PRKN: variants seen among roughly 807,000 people sequenced by gnomAD.
PRKN encodes the protein parkin RBR E3 ubiquitin protein ligase, also known as E3 ubiquitin-protein ligase parkin.
Under a neutral mutation model 59.5 loss-of-function variants are expected in PRKN, and 56 were observed. The observed-to-expected ratio is 0.94, with a 90% CI of 0.76 to 1.18. PRKN has a LOEUF of 1.18. Among genes scored for constraint, PRKN ranks in the 50% most tolerant of loss-of-function variants. PRKN has a pLI of 0.00. For missense variants in PRKN, 657 were observed against 596.4 expected, an observed-to-expected ratio of 1.10 and a Z score of -1.06; for synonymous variants, 250 against 222.1, an observed-to-expected ratio of 1.13 and a Z score of -1.12.
At chr6:161,757,941 A>ATG (rs1789022303) in intron 7 of PRKN, among the ~76,000 whole-genome samples, 1 of 136,434 alleles carries the variant, frequency 7.3e-6, no homozygotes, top group Admixed American at 7.5e-5. Flanking sequence ...CTGTATATAT[A>ATG]TGTATATATA....
chr6:161,648,809 G>A (rs1049227621), intron 7 of PRKN, among the ~76,000 whole-genome samples: 1 of 152,198 alleles, frequency 6.6e-6, no homozygotes, highest in Admixed American at 6.5e-5. Flanking sequence ...GAATGTCACA[G>A]TGTCCTAGAG....
chr6:162,123,916 C>G (rs568714391), intron 4 of PRKN, among the ~76,000 whole-genome samples: 1 of 151,964 alleles, frequency 6.6e-6, no homozygotes, highest in African/African-American at 2.4e-5. Context: ...TAGACTATAC[C>G]GAGAGGAGGC....
chr6:161,507,348 G>A (rs1046899104), intron 9 of PRKN, among the ~76,000 whole-genome samples: 2 of 152,136 alleles, frequency 1.3e-5, no homozygotes, highest in Admixed American at 1.3e-4. Context: ...GAAATGGAAT[G>A]ATCCATTTCC....
chr6:162,147,013 G>A (rs894603614), intron 4 of PRKN, among the ~76,000 whole-genome samples: 1 of 150,948 alleles, frequency 6.6e-6, no homozygotes, highest in Non-Finnish European at 1.5e-5. Flanking sequence ...TTACAGGCCT[G>A]AGCTACCGTG....
intron 1 of PRKN, among the ~76,000 whole-genome samples, chr6:162,526,077 A>G (rs929544927): frequency 6.6e-6 from 1 of 152,096 alleles, no homozygotes. Context: ...TCTGAGGCTC[A>G]AGCGATCCGC....
At position 161,347,452 on chromosome 6, in the gene PRKN, C is replaced by T. The variant is rs1315680406; in HGVS notation, c.*2647G>A. 1 of 152,056 alleles carries T rather than the reference C, an allele frequency of 6.6e-6. No homozygotes were observed. Among genetic ancestry groups the T allele is most frequent in the African/African-American group, 2.4e-5 (1 of 41,376 alleles). The allele number at this position is 152,056 out of a possible 1,614,324, so 9.4% of individuals were successfully genotyped here. A position where few individuals can be genotyped will look rare whatever the true frequency, so the allele number is the denominator to read the frequency against. ...GCTTTATTGACAATTTAAGTACAAT[C>T]TTAGAGTTGTCAGATAATCTCAACA... On this transcript the variant is annotated 3_prime_UTR_variant, in exon 12 of 12. Coordinates refer to ENST00000366898, the MANE Select transcript of PRKN (RefSeq NM_004562.3).
chr6:161,473,731 G>A lies in PRKN; in HGVS notation c.1083+75123C>T, dbSNP rs985998783. On this transcript the variant is annotated intron_variant, in intron 9 of 11. Transcript: ENST00000366898. This position sits in a 1 kb window ranked among gnomAD's most constrained non-coding sequence, Gnocchi z 4.1. ...GATTTTAGGTGCTATTACTGTATAC[G>A]TATGAAAAAAGTAACCATGAAGATG... 5.9e-5 allele frequency among the ~76,000 whole-genome samples: 9 copies of A among 152,106 alleles called. No individual in the cohort carries two copies. The highest frequency in any genetic ancestry group is 9.7e-5 in the African/African-American group (4 of 41,406).
At chr6:162,449,667 T>A (rs1283549576) in intron 1 of PRKN, among the ~76,000 whole-genome samples, 2 of 152,184 alleles carry the variant, frequency 1.3e-5, no homozygotes, top group Non-Finnish European at 2.9e-5. Context: ...TAGTAGCTTG[T>A]TTCATAATTC....
chr6:162,310,037 T>C (rs1390825194), intron 2 of PRKN, among the ~76,000 whole-genome samples: 2 of 152,188 alleles, frequency 1.3e-5, no homozygotes, highest in East Asian at 1.9e-4. Flanking sequence ...GCAAAGGACA[T>C]GATCTCATTC....
intron 6 of PRKN, among the ~76,000 whole-genome samples, chr6:161,861,542 T>C (rs1304738617): frequency 1.3e-5 from 2 of 151,494 alleles, no homozygotes; most frequent in African/African-American, 4.9e-5. Context: ...TGTATACCTA[T>C]GTAACAAACC....
chr6:161,602,104 T>TTATCTATCTATC (rs75473524), intron 7 of PRKN, among the ~76,000 whole-genome samples: 25,689 of 150,414 alleles, frequency 0.17, 2,382 homozygotes, highest in African/African-American at 0.24. Context: ...TTAGGGGAGA[T>TTATCTATCTATC]TATCTATCTA....
chr6:162,615,801 C>G (rs1782385306), intron 1 of PRKN, among the ~76,000 whole-genome samples: 1 of 152,184 alleles, frequency 6.6e-6, no homozygotes, highest in Non-Finnish European at 1.5e-5. Flanking sequence ...TTGCAAAACC[C>G]TACTTGTCAG....
At chr6:161,418,453 T>C (rs1264013239) in intron 9 of PRKN, among the ~76,000 whole-genome samples, 1 of 152,216 alleles carries the variant, frequency 6.6e-6, no homozygotes, top group Non-Finnish European at 1.5e-5. Flanking sequence ...GATTTTTCTT[T>C]TTAACTCCAG....
intron 4 of PRKN, among the ~76,000 whole-genome samples, chr6:162,178,156 G>A (rs1357238750): frequency 2.0e-5 from 3 of 152,150 alleles, no homozygotes; most frequent in African/African-American, 4.8e-5. Flanking sequence ...AAATAGAGTC[G>A]CTACATCCTC....
chr6:162,282,803 CAT>C (rs1219243000), intron 2 of PRKN, among the ~76,000 whole-genome samples: 10 of 152,124 alleles, frequency 6.6e-5, no homozygotes, highest in Non-Finnish European at 1.2e-4. Context: ...ATTGGGTACA[CAT>C]AGCAAATTTT....
At chr6:161,859,472 G>T (rs921588199) in intron 6 of PRKN, among the ~76,000 whole-genome samples, 4 of 151,710 alleles carry the variant, frequency 2.6e-5, no homozygotes, top group African/African-American at 9.7e-5. Context: ...GCATGGTGGC[G>T]CATGCCTGTA....
At chr6:162,210,935 G>C (rs1241097268) in intron 3 of PRKN, among the ~76,000 whole-genome samples, 1 of 152,148 alleles carries the variant, frequency 6.6e-6, no homozygotes. Flanking sequence ...TGGCAGACTT[G>C]TTAAATTTGC....
chr6:161,874,279 ATT>A (rs1491246561), intron 6 of PRKN, among the ~76,000 whole-genome samples: 2 of 28,976 alleles, frequency 6.9e-5, no homozygotes, highest in Non-Finnish European at 1.2e-4. Flanking sequence ...TATAATATAT[ATT>A]ATATATTATA....
At chr6:162,112,873 T>A (rs1780501899) in intron 4 of PRKN, among the ~76,000 whole-genome samples, 1 of 151,704 alleles carries the variant, frequency 6.6e-6, no homozygotes, top group Admixed American at 6.6e-5. Flanking sequence ...CAGTGAGCCA[T>A]GGTCGCGCCA....
Sources: gnomAD v4.1 joint callset for allele counts (sites outside exome capture counted in the v4.1 genomes callset) on GRCh38, gnomAD v4.1.1 for gene constraint, Gnocchi (gnomAD v3.1) non-coding constraint, MANE v1.5 for transcripts, NCBI Gene and HGNC (gene_info 2026-07-23, HGNC 2026-07-21) for gene names.